PLEKHA3: variants seen among roughly 807,000 people sequenced by gnomAD.
PLEKHA3 encodes the protein pleckstrin homology domain containing A3, also known as pleckstrin homology domain-containing family A member 3.
In PLEKHA3, 19 loss-of-function variants were observed where a neutral mutation model predicts 39.2. The ratio of observed to expected loss-of-function variants is 0.48; its 90% confidence interval spans 0.34 to 0.71. The LOEUF (loss-of-function observed/expected upper bound fraction) is 0.71, where lower values mean the gene tolerates loss of function less well. PLEKHA3 is among the 30% of genes least tolerant of loss of function. PLEKHA3 has a pLI of 0.01. For missense variants in PLEKHA3, 253 were observed against 359.5 expected (o/e 0.70, Z 2.40); for synonymous variants, 97 against 118.6 (o/e 0.82, Z 1.18).
intron 7 of PLEKHA3, among the ~76,000 whole-genome samples, chr2:178,503,283 A>G (rs2154128051): frequency 6.6e-6 from 1 of 152,068 alleles, no homozygotes; most frequent in South Asian, 2.1e-4. Flanking sequence ...AAGTCTTAGA[A>G]TGAAAAGAGG....
Position 178,504,677 on chromosome 2 carries a change from A to C in PLEKHA3, c.*790A>C, listed in dbSNP as rs559433428. 1.1e-4 allele frequency: 16 copies of C among 152,378 alleles called. No individual in the cohort carries two copies. The highest frequency in any genetic ancestry group is 3.9e-4 in the African/African-American group (16 of 41,556). 9.4% of individuals were successfully genotyped at this position (152,378 alleles called of 1,614,324 possible). On this transcript the variant is annotated 3_prime_UTR_variant, in exon 8 of 8. Coordinates refer to ENST00000234453, the MANE Select transcript of PLEKHA3 (RefSeq NM_019091.4). ...GCTCACTTACACTAGAGAAATAAAC[A>C]ACTTTCAATGGAAGAGAATTTTAGT...
At chr2:178,485,903 C>T in intron 2 of PLEKHA3, 146 bp downstream of exon 2, 1 of 574,888 alleles carries the variant, frequency 1.7e-6, no homozygotes, top group East Asian at 2.7e-5. Flanking sequence ...AGTGGCATTT[C>T]ATCACAGTTA....
chr2:178,510,223 T>C lies in PLEKHA3; in HGVS notation c.*6336T>C, dbSNP rs1289170853. The C allele has an allele frequency of 1.3e-5, 2 of 153,062 alleles. No individual in the cohort carries two copies. The highest frequency in any genetic ancestry group is 3.8e-4 in the East Asian group (2 of 5,196). 9.5% of individuals were successfully genotyped at this position (153,062 alleles called of 1,614,324 possible). A position where few individuals can be genotyped will look rare whatever the true frequency, so the allele number is the denominator to read the frequency against. ...ATATGAAATGTTCAGGTGTTAGGTGTTATCTTTCTAAGAAACATTCAAGCC... is the reference window on the plus strand; with the variant it reads ...ATATGAAATGTTCAGGTGTTAGGTGCTATCTTTCTAAGAAACATTCAAGCC... On this transcript the variant is annotated 3_prime_UTR_variant, in exon 8 of 8. Coordinates refer to ENST00000234453, the MANE Select transcript of PLEKHA3 (RefSeq NM_019091.4).
chr2:178,490,298 T>A (rs1317916975), intron 2 of PLEKHA3, among the ~76,000 whole-genome samples: 1 of 152,218 alleles, frequency 6.6e-6, no homozygotes, highest in Non-Finnish European at 1.5e-5. Context: ...AAAGACTTTG[T>A]TTTCAAGGAA....
At chr2:178,500,046 C>G (rs1300695411) in intron 6 of PLEKHA3, among the ~76,000 whole-genome samples, 1 of 152,104 alleles carries the variant, frequency 6.6e-6, no homozygotes, top group East Asian at 1.9e-4. Flanking sequence ...ATATTCATAT[C>G]AATACGTTTA....
chr2:178,482,186 T>C (rs888943385), intron 1 of PLEKHA3, among the ~76,000 whole-genome samples: 3 of 152,242 alleles, frequency 2.0e-5, no homozygotes, highest in Admixed American at 2.0e-4. Flanking sequence ...TATTTTTTAT[T>C]GGGCATTTTC....
chr2:178,509,736 T>G lies in PLEKHA3; in HGVS notation c.*5849T>G, dbSNP rs1367219600. On this transcript the variant is annotated 3_prime_UTR_variant, in exon 8 of 8. Coordinates refer to ENST00000234453, the MANE Select transcript of PLEKHA3 (RefSeq NM_019091.4). The stretch of plus-strand genomic sequence containing the variant: ...TCAAGGGATCTGCCTGCCTTGACTT[T>G]CCAAAATTCTCGGATTACAGGCATG... The G allele has an allele frequency of 6.6e-6, 1 of 152,218 alleles. No homozygotes were observed. Among genetic ancestry groups the G allele is most frequent in the African/African-American group, 2.4e-5 (1 of 41,412 alleles). 9.4% of individuals were successfully genotyped at this position (152,218 alleles called of 1,614,324 possible). A position where few individuals can be genotyped will look rare whatever the true frequency, so the allele number is the denominator to read the frequency against.
intron 2 of PLEKHA3, among the ~76,000 whole-genome samples, 174 bp from the exon 3 acceptor site, chr2:178,490,485 A>G (rs1448932912): frequency 6.6e-6 from 1 of 152,120 alleles, no homozygotes; most frequent in Non-Finnish European, 1.5e-5. Flanking sequence ...GAGAATGTTG[A>G]TTTGGGGAGT....
intron 1 of PLEKHA3, among the ~76,000 whole-genome samples, chr2:178,482,633 G>A (rs1269914478): frequency 1.3e-5 from 2 of 151,812 alleles, no homozygotes. Context: ...TCCTAAGCAT[G>A]GTGTTGTGGA....
chr2:178,482,395 T>G (rs112850921), intron 1 of PLEKHA3, among the ~76,000 whole-genome samples: 5 of 151,800 alleles, frequency 3.3e-5, no homozygotes, highest in Admixed American at 3.3e-4. Flanking sequence ...AAAAAACAGC[T>G]AGGTGTGGTA....
chr2:178,511,650 C>T lies in PLEKHA3; in HGVS notation c.*7763C>T, dbSNP rs1459146939. 4 of 152,136 alleles carry T rather than the reference C, an allele frequency of 2.6e-5. No homozygotes were observed. In the South Asian group the frequency reaches 6.2e-4, roughly 24 times the overall value. 9.4% of individuals were successfully genotyped at this position (152,136 alleles called of 1,614,324 possible). On this transcript the variant is annotated 3_prime_UTR_variant, in exon 8 of 8. Transcript: ENST00000234453. ...CCTTTGAAAGTGCTGGGATTACAGG[C>T]GGGAGCCACCGTGCCCGACCTGACC...
chr2:178,514,649 G>A lies in PLEKHA3; in HGVS notation c.*10762G>A, dbSNP rs1685734363. 1.3e-5 allele frequency: 2 copies of A among 149,308 alleles called. No homozygotes were observed. Among genetic ancestry groups the A allele is most frequent in the Admixed American group, 1.3e-4 (2 of 15,026 alleles). 9.2% of individuals were successfully genotyped at this position (149,308 alleles called of 1,614,324 possible). A position where few individuals can be genotyped will look rare whatever the true frequency, so the allele number is the denominator to read the frequency against. Reference sequence around the variant, plus strand: ...AATTCAAAGACCCTTGTCACATGGTGCTCAGGAAAAAAAAAGTGCCAATAT... The same window carrying A: ...AATTCAAAGACCCTTGTCACATGGTACTCAGGAAAAAAAAAGTGCCAATAT... On this transcript the variant is annotated 3_prime_UTR_variant, in exon 8 of 8. Transcript: ENST00000234453.
intron 7 of PLEKHA3, among the ~76,000 whole-genome samples, chr2:178,502,826 G>A (rs745407208): frequency 7.6e-5 from 11 of 144,968 alleles, no homozygotes; most frequent in South Asian, 4.4e-4. Context: ...ACACACACAC[G>A]CGCATACATA....
At chr2:178,492,739 C>G (rs183154185) in intron 3 of PLEKHA3, among the ~76,000 whole-genome samples, 1 of 151,820 alleles carries the variant, frequency 6.6e-6, no homozygotes, top group Non-Finnish European at 1.5e-5. Flanking sequence ...TGTTGGTTTC[C>G]AGGGCCCAGG....
chr2:178,495,528 C>T lies in PLEKHA3; in HGVS notation c.483C>T (p.Ala161=). ...ATGAAGCCTCTTCTCTGCTTAGTGC[C>T]ACGTGTAACACATTCATCACAACGC... ...NMNEASSLLS[A]TCNTFITTLE... The change falls in exon 5 of 8, where the codon GCC becomes GCT. Residue 161 remains alanine, a synonymous_variant. Transcript: ENST00000234453. 1 of 1,613,894 alleles carries T rather than the reference C, an allele frequency of 6.2e-7. No individual in the cohort carries two copies. Among genetic ancestry groups the T allele is most frequent in the Non-Finnish European group, 8.5e-7 (1 of 1,179,986 alleles).
chr2:178,495,685 T>G, intron 5 of PLEKHA3, 25 bp downstream of exon 5: 1 of 1,580,330 alleles, frequency 6.3e-7, no homozygotes. Context: ...TTTTGGTTTT[T>G]TCCCTCAGTA....
chr2:178,483,049 G>A (rs1029360226), intron 1 of PLEKHA3, among the ~76,000 whole-genome samples: 4 of 152,120 alleles, frequency 2.6e-5, no homozygotes, highest in African/African-American at 7.2e-5. Context: ...CTTGAGGTCA[G>A]GAGTTTGAGA....
intron 7 of PLEKHA3, among the ~76,000 whole-genome samples, 169 bp downstream of exon 7, chr2:178,501,345 C>G (rs1296581150): frequency 6.6e-6 from 1 of 151,898 alleles, no homozygotes; most frequent in African/African-American, 2.4e-5. Context: ...CTCATATATC[C>G]CCTTACAAAC....
intron 1 of PLEKHA3, among the ~76,000 whole-genome samples, chr2:178,483,775 C>G (rs892813650): frequency 6.6e-6 from 1 of 152,156 alleles, no homozygotes; most frequent in Admixed American, 6.5e-5. Context: ...TGTCTATACT[C>G]TCATGGTTAA....
Sources: gnomAD v4.1 joint callset for allele counts (sites outside exome capture counted in the v4.1 genomes callset) on GRCh38, gnomAD v4.1.1 for gene constraint, MANE v1.5 for transcripts, NCBI Gene and HGNC (gene_info 2026-07-23, HGNC 2026-07-21) for gene names.